Variants in RGS5 observed in about 807,000 individuals in gnomAD.
The protein encoded by RGS5 is regulator of G-protein signalling 5.
Under a neutral mutation model 18.9 loss-of-function variants are expected in RGS5, and 20 were observed. The ratio of observed to expected loss-of-function variants is 1.06; its 90% CI spans 0.74 to 1.54. The LOEUF (loss-of-function observed/expected upper bound fraction) is 1.54, where lower values mean the gene tolerates loss of function less well. Among genes scored for constraint, RGS5 ranks in the 40% most tolerant of loss-of-function variants. The probability of loss-of-function intolerance (pLI) is 0.00; values close to 1 mark genes in which losing one functional copy is unlikely to be tolerated. For missense variants in RGS5, 201 were observed against 211.8 expected (o/e 0.95, Z 0.32); for synonymous variants, 57 against 76.2 (o/e 0.75, Z 1.31).
chr1:163,153,612 T>C (rs1431357441), intron 3 of RGS5, among the ~76,000 whole-genome samples: 2 of 151,668 alleles, frequency 1.3e-5, no homozygotes, highest in Non-Finnish European at 2.9e-5. Flanking sequence ...CTTTAGTTTA[T>C]AATTTAAAAA....
intron 2 of RGS5, among the ~76,000 whole-genome samples, chr1:163,275,451 G>T (rs958692872): frequency 2.0e-5 from 3 of 152,162 alleles, no homozygotes; most frequent in African/African-American, 4.8e-5. Flanking sequence ...AAGCATATGA[G>T]ATCAACACTT....
chr1:163,313,417 A>G (rs1649927550), intron 1 of RGS5, among the ~76,000 whole-genome samples: 1 of 152,206 alleles, frequency 6.6e-6, no homozygotes, highest in Non-Finnish European at 1.5e-5. Flanking sequence ...ACTGAGAGAG[A>G]ACTTTATTCT....
chr1:163,183,839 C>T (rs1243939166), intron 1 of RGS5, among the ~76,000 whole-genome samples: 7 of 152,126 alleles, frequency 4.6e-5, no homozygotes, highest in African/African-American at 7.2e-5. Flanking sequence ...CCAAAGCAGG[C>T]GCCCTCTTTC....
chr1:163,237,851 C>T (rs1647671524), intron 2 of RGS5: 1 of 153,700 alleles, frequency 6.5e-6, no homozygotes, highest in African/African-American at 2.4e-5. Flanking sequence ...AGGAGAAGAG[C>T]ACAGAACAAT....
chr1:163,260,256 A>C (rs998150224), intron 2 of RGS5: 1 of 152,192 alleles, frequency 6.6e-6, no homozygotes, highest in African/African-American at 2.4e-5. Context: ...CAGTCAATTG[A>C]TGAGATCTTT....
intron 2 of RGS5, among the ~76,000 whole-genome samples, chr1:163,228,129 T>TCACA (rs1647380191): frequency 6.6e-6 from 1 of 152,184 alleles, no homozygotes; most frequent in Admixed American, 6.5e-5. Flanking sequence ...GGCCCTCTTC[T>TCACA]CACAGCTCTA....
At chr1:163,180,753 G>A (rs1393794073) in intron 1 of RGS5, among the ~76,000 whole-genome samples, 1 of 131,556 alleles carries the variant, frequency 7.6e-6, no homozygotes, top group African/African-American at 2.9e-5. Context: ...GGAGTGCAGT[G>A]GTGTAATCTC....
chr1:163,275,355 G>A (rs1648827052), intron 2 of RGS5, among the ~76,000 whole-genome samples: 1 of 152,114 alleles, frequency 6.6e-6, no homozygotes, highest in Admixed American at 6.5e-5. Context: ...TTAAATGTCT[G>A]GCAAATCTGC....
At chr1:163,253,192 T>G (rs1222377489) in intron 2 of RGS5, among the ~76,000 whole-genome samples, 2 of 152,202 alleles carry the variant, frequency 1.3e-5, no homozygotes. Flanking sequence ...CCTCCACTGC[T>G]CCAGGTTTCC....
At chr1:163,213,812 A>G (rs1660161429) in intron 1 of RGS5, among the ~76,000 whole-genome samples, 1 of 152,108 alleles carries the variant, frequency 6.6e-6, no homozygotes. Context: ...TGACATTTCC[A>G]CCATGGATTT....
intron 1 of RGS5, among the ~76,000 whole-genome samples, chr1:163,184,580 T>C (rs1441925487): frequency 2.0e-5 from 3 of 152,268 alleles, no homozygotes; most frequent in Admixed American, 1.3e-4. Context: ...GCAGAAGTGA[T>C]AAGTTAAGGA....
chr1:163,306,374 C>T (rs1649699706), intron 1 of RGS5: 1 of 152,170 alleles, frequency 6.6e-6, no homozygotes, highest in East Asian at 1.9e-4. Flanking sequence ...ATGTTGCACT[C>T]AAAGAGCATT....
chr1:163,185,807 G>A (rs1282668723), intron 1 of RGS5, among the ~76,000 whole-genome samples: 1 of 152,276 alleles, frequency 6.6e-6, no homozygotes, highest in East Asian at 1.9e-4. Context: ...AACTTATTTA[G>A]TGCTCACAAT....
intron 2 of RGS5, among the ~76,000 whole-genome samples, chr1:163,235,959 A>G (rs1321874189): frequency 6.6e-6 from 1 of 152,224 alleles, no homozygotes; most frequent in African/African-American, 2.4e-5. Context: ...AAGCATAGCC[A>G]TGAATCTTTT....
chr1:163,170,955 T>C (rs1658272452), intron 1 of RGS5, among the ~76,000 whole-genome samples: 1 of 152,204 alleles, frequency 6.6e-6, no homozygotes, highest in Non-Finnish European at 1.5e-5. Flanking sequence ...GATAAAATAG[T>C]ATATCCTAAG....
intron 1 of RGS5, among the ~76,000 whole-genome samples, chr1:163,193,710 T>C (rs1255595645): frequency 2.0e-5 from 3 of 152,178 alleles, no homozygotes; most frequent in South Asian, 2.1e-4. Flanking sequence ...GCAGTCTTCA[T>C]AGCACTTCCA....
At chr1:163,256,761 G>T (rs749015639) in intron 2 of RGS5, among the ~76,000 whole-genome samples, 12 of 152,294 alleles carry the variant, frequency 7.9e-5, no homozygotes, top group Middle Eastern at 6.8e-3. Context: ...TGATATCCTG[G>T]TGTTGGAGGA....
At chr1:163,172,659 C>A (rs1658356316) in intron 1 of RGS5, 2 of 1,536,344 alleles carry the variant, frequency 1.3e-6, no homozygotes, top group Non-Finnish European at 1.8e-6. Flanking sequence ...GCTTCAGTTT[C>A]TGGCTTGGTA....
At chr1:163,308,587 C>G (rs1382085716) in intron 1 of RGS5, 1 of 152,122 alleles carries the variant, frequency 6.6e-6, no homozygotes, top group African/African-American at 2.4e-5. Flanking sequence ...AAAACTTCAT[C>G]AGGAACCAAA....
Sources: gnomAD v4.1 joint callset for allele counts (sites outside exome capture counted in the v4.1 genomes callset) on GRCh38, gnomAD v4.1.1 for gene constraint, MANE v1.5 for transcripts, NCBI Gene and HGNC (gene_info 2026-07-23, HGNC 2026-07-21) for gene names.